The following PCNX4 variants were observed in gnomAD, a reference collection of about 807,000 sequenced individuals.
PCNX4 encodes pecanex-like protein 4.
A neutral mutation model predicts 107.2 loss-of-function variants in PCNX4; 103 were observed. The observed-to-expected ratio is 0.96, with a 90% confidence interval of 0.82 to 1.13. The LOEUF is 1.13. PCNX4 is among the 50% of genes most tolerant of loss of function. PCNX4 has a pLI of 0.00. For synonymous variants in PCNX4, 541 were observed against 481.7 expected, an observed-to-expected ratio of 1.12 and a Z score of -1.61; for missense variants, 1,528 against 1,379.4, an observed-to-expected ratio of 1.11 and a Z score of -1.71.
At chr14:60,119,615 T>TA (rs11406742) in intron 7 of PCNX4, among the ~76,000 whole-genome samples, 37,638 of 152,122 alleles carry the variant, frequency 0.25, 6,730 homozygotes, top group African/African-American at 0.5. Context: ...AGTCTATACT[T>TA]ACAATACTTT....
intron 1 of PCNX4, among the ~76,000 whole-genome samples, chr14:60,105,902 G>A (rs1595163541): frequency 6.6e-6 from 1 of 152,136 alleles, no homozygotes; most frequent in South Asian, 2.1e-4. Flanking sequence ...TCAAAATCCA[G>A]TCTATCCCTC....
At chr14:60,130,674 G>A (rs1896138362) in intron 10 of PCNX4, among the ~76,000 whole-genome samples, 1 of 152,174 alleles carries the variant, frequency 6.6e-6, no homozygotes, top group Admixed American at 6.5e-5. Flanking sequence ...ATATAGGAAT[G>A]TAATTTGCTA....
rs1566527561 is a variant in PCNX4 at position 60,144,962 on chromosome 14, C to A, written c.*10741C>A. ...CAGTGGCTTGAAAAGTACAGGTGCT[C>A]TTTTCAGTCATGTTTTGTCTTAAAG... is the stretch of plus-strand genomic sequence containing the variant. On this transcript the variant is annotated 3_prime_UTR_variant, in exon 11 of 11. Coordinates refer to ENST00000406854, the MANE Select transcript of PCNX4 (RefSeq NM_001330177.2). 1 of 1,604,962 alleles carries A rather than the reference C, an allele frequency of 6.2e-7. No homozygotes were observed. Among genetic ancestry groups the A allele is most frequent in the Non-Finnish European group, 8.5e-7 (1 of 1,175,862 alleles).
At chr14:60,117,207 CCACT>C (rs910859557) in intron 6 of PCNX4, among the ~76,000 whole-genome samples, 3 of 152,124 alleles carry the variant, frequency 2.0e-5, no homozygotes, top group African/African-American at 7.2e-5. Context: ...CATTCATTCA[CCACT>C]CACTCACTCA....
chr14:60,100,775 C>G (rs557598709), intron 1 of PCNX4, among the ~76,000 whole-genome samples: 1 of 152,322 alleles, frequency 6.6e-6, no homozygotes, highest in African/African-American at 2.4e-5. Context: ...ACTTTCCAAT[C>G]TGACTCTGGC....
intron 1 of PCNX4, among the ~76,000 whole-genome samples, chr14:60,093,390 A>T (rs1188106380): frequency 2.0e-5 from 3 of 152,128 alleles, no homozygotes; most frequent in African/African-American, 7.2e-5. Flanking sequence ...ATAAGCAATT[A>T]CTAATCTGTT....
intron 1 of PCNX4, among the ~76,000 whole-genome samples, chr14:60,106,732 A>G (rs1895636807): frequency 6.6e-6 from 1 of 150,948 alleles, no homozygotes; most frequent in African/African-American, 2.4e-5. Flanking sequence ...TGACTAGAGG[A>G]AAGATTATTT....
rs3180980 is a variant in PCNX4 at position 60,144,827 on chromosome 14, T to C, written c.*10606T>C. The C allele has an allele frequency of 4.7e-5, 34 of 730,240 alleles. No individual in the cohort carries two copies. The highest frequency in any genetic ancestry group is 9.3e-5 in the Admixed American group (4 of 43,030). 45.2% of individuals were successfully genotyped at this position (730,240 alleles called of 1,614,324 possible). ...TTTTATTATTTATTTTTTATTTCATTCCATGTTGGAAGCAAAGTCATATCT... is the reference window on the plus strand; with the variant it reads ...TTTTATTATTTATTTTTTATTTCATCCCATGTTGGAAGCAAAGTCATATCT... On this transcript the variant is annotated 3_prime_UTR_variant, in exon 11 of 11. Coordinates refer to ENST00000406854, the MANE Select transcript of PCNX4 (RefSeq NM_001330177.2).
intron 7 of PCNX4, among the ~76,000 whole-genome samples, chr14:60,120,817 T>C (rs1416585485): frequency 1.3e-5 from 2 of 152,220 alleles, no homozygotes; most frequent in Non-Finnish European, 2.9e-5. Context: ...TTTATATGTT[T>C]ATATCCATGT....
Position 60,138,510 on chromosome 14 carries a change from A to G in PCNX4, c.*4289A>G, listed in dbSNP as rs1424620471. On this transcript the variant is annotated 3_prime_UTR_variant, in exon 11 of 11. Coordinates refer to ENST00000406854, the MANE Select transcript of PCNX4 (RefSeq NM_001330177.2). ...AGACATTACTTTTAAAGGAGGCACA[A>G]TTTTATTAAACTGACAGCTAACTTC... The G allele has an allele frequency of 2.6e-5, 4 of 152,254 alleles. No homozygotes were observed. The highest frequency in any genetic ancestry group is 5.9e-5 in the Non-Finnish European group (4 of 68,048). 9.4% of individuals were successfully genotyped at this position (152,254 alleles called of 1,614,324 possible).
intron 2 of PCNX4, among the ~76,000 whole-genome samples, chr14:60,111,413 C>T (rs1460594809): frequency 6.6e-6 from 1 of 152,134 alleles, no homozygotes; most frequent in East Asian, 1.9e-4. Flanking sequence ...TTTTTTAATA[C>T]CTCTACCATT....
At position 60,145,297 on chromosome 14, in the gene PCNX4, G is replaced by A; in HGVS notation, c.*11076G>A. On this transcript the variant is annotated 3_prime_UTR_variant, in exon 11 of 11. Coordinates refer to ENST00000406854, the MANE Select transcript of PCNX4 (RefSeq NM_001330177.2). This position sits in a 1 kb window ranked among gnomAD's most constrained non-coding sequence, Gnocchi z 4.0. ...TCTCTATAATGACTTTTCTGGATCA[G>A]CATATCATACCTACACTGACTTGCC... 4.1e-6 allele frequency: 1 copy of A among 246,672 alleles called. No individual in the cohort carries two copies. The allele number at this position is 246,672 out of a possible 1,614,324, so 15.3% of individuals were successfully genotyped here.
Position 60,134,231 on chromosome 14 carries a change from T to G in PCNX4, c.*10T>G, listed in dbSNP as rs1458565255. The G allele has an allele frequency of 6.2e-7, 1 of 1,610,274 alleles. No homozygotes were observed. Among genetic ancestry groups the G allele is most frequent in the Admixed American group, 1.7e-5 (1 of 59,590 alleles). ...CATACATTTGTATTAGAGCTCATTTTGACTGTAATGTCATCAAATGCAATG... is the reference window on the plus strand; with the variant it reads ...CATACATTTGTATTAGAGCTCATTTGGACTGTAATGTCATCAAATGCAATG... On this transcript the variant is annotated 3_prime_UTR_variant, in exon 11 of 11. Transcript: ENST00000406854.
At position 60,118,333 on chromosome 14, in the gene PCNX4, G is replaced by T. The variant is rs1446097974; in HGVS notation, c.1583G>T (p.Gly528Val). 1 of 1,606,150 alleles carries T rather than the reference G, an allele frequency of 6.2e-7. No homozygotes were observed. Among genetic ancestry groups the T allele is most frequent in the Non-Finnish European group, 8.5e-7 (1 of 1,175,242 alleles). ...LDTGLRLLLV[G>V]IIRDRLIQFI... ...ATAATTTTTACATTTCTACAGGTTG[G>T]TATCATACGTGATCGTTTGATTCAG... The change falls in exon 7 of 11, where the codon GGT (glycine) becomes GTT (valine). Residue 528 changes from glycine (G) to valine (V), a missense_variant. Physicochemically the swap from Gly to Val is moderately radical, Grantham distance 109 (BLOSUM62 -3). Transcript: ENST00000406854.
rs946964042 is a variant in PCNX4 at position 60,136,351 on chromosome 14, C to A, written c.*2130C>A. ...TTTCTCAACAATTGATTCTAGGCCC[C>A]CCTTTGTGTTTCTGCAATCACCATA... On this transcript the variant is annotated 3_prime_UTR_variant, in exon 11 of 11. Transcript: ENST00000406854. The A allele has an allele frequency of 2.0e-5, 3 of 152,114 alleles. No individual in the cohort carries two copies. The highest frequency in any genetic ancestry group is 4.8e-5 in the African/African-American group (2 of 41,416). 9.4% of individuals were successfully genotyped at this position (152,114 alleles called of 1,614,324 possible). A position where few individuals can be genotyped will look rare whatever the true frequency, so the allele number is the denominator to read the frequency against.
chr14:60,108,293 A>C lies in PCNX4; in HGVS notation c.655A>C (p.Ile219Leu). The C allele has an allele frequency of 6.2e-7, 1 of 1,608,586 alleles. No homozygotes were observed. The highest frequency in any genetic ancestry group is 8.5e-7 in the Non-Finnish European group (1 of 1,178,714). ...TATTCCTCTTATGAGACCTCTTTATATTTTTTTCTTTGTTTCTGTGGATCT... is the reference window on the plus strand; with the variant it reads ...TATTCCTCTTATGAGACCTCTTTATCTTTTTTTCTTTGTTTCTGTGGATCT... ...EIIPLMRPLYIFFFVSVDLAH... is the reference protein window; with the variant it reads ...EIIPLMRPLYLFFFVSVDLAH... Residue 219 changes from isoleucine to leucine, a missense_variant, in exon 2 of 11, where the codon ATT becomes CTT. By Grantham distance (5) the Ile-to-Leu change is conservative. Coordinates refer to ENST00000406854, the MANE Select transcript of PCNX4 (RefSeq NM_001330177.2).
intron 7 of PCNX4, among the ~76,000 whole-genome samples, chr14:60,120,633 C>T (rs1234151991): frequency 6.6e-6 from 1 of 152,126 alleles, no homozygotes; most frequent in Non-Finnish European, 1.5e-5. Context: ...GAAATGAATA[C>T]TCAAATTCAG....
chr14:60,123,647 T>G (rs543046682), intron 8 of PCNX4, among the ~76,000 whole-genome samples: 23 of 152,164 alleles, frequency 1.5e-4, no homozygotes, highest in Non-Finnish European at 2.9e-4. Context: ...AGCATATATT[T>G]GTTGCATACC....
chr14:60,130,286 A>G (rs931039507), intron 10 of PCNX4, among the ~76,000 whole-genome samples: 2 of 149,308 alleles, frequency 1.3e-5, no homozygotes, highest in Admixed American at 6.7e-5. Flanking sequence ...TGATATATAA[A>G]ATATATAATA....
Sources: allele counts gnomAD v4.1 joint callset (sites outside exome capture counted in the v4.1 genomes callset), GRCh38; gene constraint gnomAD v4.1.1; non-coding constraint Gnocchi (gnomAD v3.1); transcripts MANE v1.5; gene names NCBI Gene and HGNC (gene_info 2026-07-23, HGNC 2026-07-21).